The following CAPN2 variants were observed in gnomAD, a reference collection of about 807,000 sequenced individuals.
CAPN2 encodes the protein calpain-2 catalytic subunit.
CAPN2 carries 92 observed loss-of-function variants against 102.3 expected under a neutral mutation model. The ratio of observed to expected loss-of-function variants is 0.90; its 90% CI spans 0.76 to 1.07. The LOEUF is 1.07. Ranked by LOEUF, CAPN2 falls within the 50% of genes least tolerant of loss-of-function variation. CAPN2 has a pLI of 0.00. For missense variants in CAPN2, 800 were observed against 909.4 expected (o/e 0.88, Z 1.55); for synonymous variants, 340 against 355.4 (o/e 0.96, Z 0.49).
chr1:223,756,041 C>A lies in CAPN2; in HGVS notation c.1305+392C>A, dbSNP rs1661027041. Reference sequence around the variant, plus strand: ...GACTGAGTCCATGGGTGCAGCTGCTCAGAGCTCGGCAAAGTCATTGGCCTG... The same window carrying A: ...GACTGAGTCCATGGGTGCAGCTGCTAAGAGCTCGGCAAAGTCATTGGCCTG... On this transcript the variant is annotated intron_variant, in intron 10 of 20. Transcript: ENST00000295006. The surrounding 1 kb of genome is among the most constrained non-coding windows in gnomAD (Gnocchi z 4.1). Among the ~76,000 whole-genome samples, 1 of 152,238 alleles carries A rather than the reference C, an allele frequency of 6.6e-6. No individual in the cohort carries two copies. The highest frequency in any genetic ancestry group is 1.5e-5 in the Non-Finnish European group (1 of 68,044).
chr1:223,703,926 C>T (rs948065790), intron 1 of CAPN2, among the ~76,000 whole-genome samples: 1 of 152,162 alleles, frequency 6.6e-6, no homozygotes, highest in Non-Finnish European at 1.5e-5. Context: ...ACCACACACT[C>T]ACATCCACAC....
intron 19 of CAPN2, 28 bp from the exon 20 acceptor site, chr1:223,772,153 G>T: frequency 6.2e-7 from 1 of 1,609,442 alleles, no homozygotes. Flanking sequence ...TCACTCACTT[G>T]TGACACCCTC....
rs1478262601 is a variant in CAPN2 at position 223,727,090 on chromosome 1, T to C, written c.307+9259T>C. On this transcript the variant is annotated intron_variant, in intron 2 of 20. Transcript: ENST00000295006. This position sits in a 1 kb window ranked among gnomAD's most constrained non-coding sequence, Gnocchi z 4.1. ...GCTGCCTAGGACCTTGAGAGATGTG[T>C]CTCTCTGGGACAGGGTGTCAGGTCT... Among the ~76,000 whole-genome samples, 2 of 152,194 alleles carry C rather than the reference T, an allele frequency of 1.3e-5. No homozygotes were observed. The highest frequency in any genetic ancestry group is 1.9e-4 in the East Asian group (1 of 5,192).
chr1:223,739,895 C>T (rs1308953240), intron 2 of CAPN2, among the ~76,000 whole-genome samples: 1 of 152,202 alleles, frequency 6.6e-6, no homozygotes, highest in African/African-American at 2.4e-5. Flanking sequence ...TCACCCTTCT[C>T]GAGCTAGCTG....
intron 2 of CAPN2, among the ~76,000 whole-genome samples, chr1:223,722,809 A>G (rs1284907798): frequency 1.3e-5 from 2 of 152,130 alleles, no homozygotes; most frequent in Non-Finnish European, 2.9e-5. Flanking sequence ...CAGTATTATT[A>G]AAGTCCATGC....
At chr1:223,706,463 C>T (rs1189130651) in intron 1 of CAPN2, among the ~76,000 whole-genome samples, 3 of 152,316 alleles carry the variant, frequency 2.0e-5, no homozygotes, top group East Asian at 3.9e-4. Context: ...ATTCAAATCA[C>T]GGACCTGAAA....
chr1:223,762,335 A>AAAG (rs1661209587), intron 14 of CAPN2, 84 bp downstream of exon 14: 1 of 1,109,230 alleles, frequency 9.0e-7, no homozygotes, highest in African/African-American at 1.5e-5. Context: ...ACTTTAGTTT[A>AAAG]AAGGGGAGAG....
rs28370180 is a variant in CAPN2, at chr1:223,775,339, C to G, written c.*482C>G. On this transcript the variant is annotated 3_prime_UTR_variant, in exon 21 of 21. Coordinates refer to ENST00000295006, the MANE Select transcript of CAPN2 (RefSeq NM_001748.5). ...TCCAAGATTACCATTTCCCATGAGC[C>G]AACTGGGAAACATGGTATATCATGA... 4,408 of 160,752 alleles carry G rather than the reference C, an allele frequency of 0.027. 198 individuals are homozygous for G. Among genetic ancestry groups the G allele is most frequent in the African/African-American group, 0.099 (4,130 of 41,590 alleles). 10.0% of individuals were successfully genotyped at this position (160,752 alleles called of 1,614,324 possible).
At chr1:223,724,155 C>T (rs1175547288) in intron 2 of CAPN2, among the ~76,000 whole-genome samples, 1 of 152,232 alleles carries the variant, frequency 6.6e-6, no homozygotes, top group African/African-American at 2.4e-5. Flanking sequence ...CAGCCCCCTG[C>T]ACCCTCACAC....
At chr1:223,769,457 A>G (rs1041993157) in intron 16 of CAPN2, among the ~76,000 whole-genome samples, 4 of 152,038 alleles carry the variant, frequency 2.6e-5, no homozygotes, top group African/African-American at 9.7e-5. Context: ...TTCATGGTGT[A>G]CACCTGCTAG....
intron 1 of CAPN2, among the ~76,000 whole-genome samples, chr1:223,716,926 G>A (rs1266143932): frequency 6.6e-6 from 1 of 152,066 alleles, no homozygotes; most frequent in Non-Finnish European, 1.5e-5. Context: ...AAGAGTTGGC[G>A]CATTTGATCA....
chr1:223,738,591 A>C (rs1460685894), intron 2 of CAPN2, among the ~76,000 whole-genome samples: 1 of 152,174 alleles, frequency 6.6e-6, no homozygotes, highest in Non-Finnish European at 1.5e-5. Context: ...AAATGGGGTA[A>C]ATGATTGTCC....
At chr1:223,708,240 C>T (rs61823966), upstream of CAPN2, among the ~76,000 whole-genome samples, 29,820 of 151,994 alleles carry the variant, frequency 0.2, 3,289 homozygotes, top group African/African-American at 0.29. Context: ...TGGTGGTGGA[C>T]GGTGGTACCT....
chr1:223,732,896 G>T (rs1660368009), intron 2 of CAPN2, among the ~76,000 whole-genome samples: 1 of 152,186 alleles, frequency 6.6e-6, no homozygotes, highest in East Asian at 1.9e-4. Flanking sequence ...TGGTATCTGG[G>T]CAGAGGTCAA....
upstream of CAPN2, chr1:223,712,520 T>TCGCAGCGGCGGCGCCCGCAGTGGC: frequency 8.2e-7 from 1 of 1,218,348 alleles, no homozygotes; most frequent in Non-Finnish European, 1.0e-6. Context: ...GAATCATCGC[T>TCGCAGCGGCGGCGCCCGCAGTGGC]CGCAGCGGCG....
intron 2 of CAPN2, among the ~76,000 whole-genome samples, chr1:223,743,195 TCA>T (rs1660667830): frequency 6.6e-6 from 1 of 152,198 alleles, no homozygotes; most frequent in Admixed American, 6.5e-5. Flanking sequence ...GTTCTGAGGC[TCA>T]GAGAGGGACC....
chr1:223,774,725 T>C (rs1661569470), intron 20 of CAPN2, 109 bp from the exon 21 acceptor site: 6 of 921,178 alleles, frequency 6.5e-6, no homozygotes, highest in South Asian at 1.4e-5. Context: ...ATTGTAGCCC[T>C]CAATCAGCTT....
At chr1:223,708,785 A>G (rs1194203057), upstream of CAPN2, among the ~76,000 whole-genome samples, 2 of 151,270 alleles carry the variant, frequency 1.3e-5, no homozygotes, top group Non-Finnish European at 2.9e-5. Context: ...AGCGAAAGAG[A>G]GAGAGAGAGA....
At chr1:223,765,636 C>T (rs916968399) in intron 15 of CAPN2, among the ~76,000 whole-genome samples, 4 of 134,578 alleles carry the variant, frequency 3.0e-5, no homozygotes, top group Admixed American at 7.9e-5. Flanking sequence ...TAGCTGCCTG[C>T]TGACTCCAGC....
Sources: allele counts gnomAD v4.1 joint callset (sites outside exome capture counted in the v4.1 genomes callset), GRCh38; gene constraint gnomAD v4.1.1; non-coding constraint Gnocchi (gnomAD v3.1); transcripts MANE v1.5; gene names NCBI Gene and HGNC (gene_info 2026-07-23, HGNC 2026-07-21).